Variants in USH2A observed in about 807,000 individuals in gnomAD.
USH2A encodes the protein Usher syndrome 2A (autosomal recessive, mild).
In USH2A, 443 loss-of-function variants were observed where a neutral mutation model predicts 538.9. The ratio of observed to expected loss-of-function variants is 0.82; its 90% CI spans 0.76 to 0.89. The LOEUF (loss-of-function observed/expected upper bound fraction) is 0.89, where lower values mean the gene tolerates loss of function less well. Ranked by LOEUF, USH2A falls within the 40% of genes least tolerant of loss-of-function variation. The probability of loss-of-function intolerance (pLI) is 0.00; values close to 1 mark genes in which losing one functional copy is unlikely to be tolerated. For missense variants in USH2A, 6,633 were observed against 6,324.8 expected, an observed-to-expected ratio of 1.05 and a Z score of -1.65; for synonymous variants, 2,413 against 2,273.5, an observed-to-expected ratio of 1.06 and a Z score of -1.75.
chr1:216,247,214 T>G lies in USH2A; in HGVS notation c.2180A>C (p.Asp727Ala), dbSNP rs1269860321. ...CKANVIGLRC[D>A]HCNFGFKFLR... ...AAATTTAAATCCAAAATTGCAATGATCACACCTAAGCCCTAAAGATAAAAT... is the reference window on the plus strand; with the variant it reads ...AAATTTAAATCCAAAATTGCAATGAGCACACCTAAGCCCTAAAGATAAAAT... Residue 727 changes from aspartate (D) to alanine (A), a missense_variant, in exon 13 of 72, where the codon GAT becomes GCT. Transcript: ENST00000307340. 1 of 1,613,948 alleles carries G rather than the reference T, an allele frequency of 6.2e-7. No homozygotes were observed. The highest frequency in any genetic ancestry group is 1.7e-5 in the Admixed American group (1 of 60,006).
At chr1:215,630,443 CAT>C (rs1466686150) in intron 70 of USH2A, among the ~76,000 whole-genome samples, 1 of 93,210 alleles carries the variant, frequency 1.1e-5, no homozygotes, top group East Asian at 2.8e-4. Context: ...TGTATATATA[CAT>C]ATATATGTGA....
chr1:215,999,206 A>G (rs1047626026), intron 33 of USH2A, 148 bp from the exon 34 acceptor site: 1 of 740,050 alleles, frequency 1.4e-6, no homozygotes, highest in Non-Finnish European at 2.2e-6. Context: ...TAAAACACTG[A>G]AGTAGTTATC....
intron 11 of USH2A, among the ~76,000 whole-genome samples, chr1:216,258,457 A>G (rs968957317): frequency 6.6e-6 from 1 of 152,076 alleles, no homozygotes; most frequent in African/African-American, 2.4e-5. Context: ...AACCGTAGTA[A>G]AGTGAATTCT....
Position 216,042,420 on chromosome 1 carries a change from A to G in USH2A, c.6325+4011T>C, listed in dbSNP as rs545330297. On this transcript the variant is annotated intron_variant, in intron 32 of 71. Transcript: ENST00000307340. ...CTGTATTCCACTTCTCGGTTTCTCT[A>G]TGAAGAGATATTTCAGCTCTATACA... Among the ~76,000 whole-genome samples, 69 of 152,064 alleles carry G rather than the reference A, an allele frequency of 4.5e-4. 3 individuals are homozygous for G. The South Asian group carries it at 8.5e-3, about 19-fold the overall frequency.
rs536218374 is a variant in USH2A, at chr1:215,936,657, T to C, written c.7121-1862A>G. ...CCATACAACTGATACATTCTAGCCA[T>C]TCAGAACTAGCAAGTGATTAAGAAT... On this transcript the variant is annotated intron_variant, in intron 37 of 71. Transcript: ENST00000307340. 2.5e-3 allele frequency among the ~76,000 whole-genome samples: 376 copies of C among 152,208 alleles called. 2 individuals are homozygous for C. Among genetic ancestry groups the C allele is most frequent in the Non-Finnish European group, 4.3e-3 (295 of 67,972 alleles).
intron 61 of USH2A, among the ~76,000 whole-genome samples, chr1:215,688,847 G>A (rs1394582217): frequency 2.0e-5 from 3 of 152,044 alleles, no homozygotes; most frequent in Non-Finnish European, 2.9e-5. Flanking sequence ...TGCATTTTGG[G>A]AGGAACACAA....
chr1:216,332,618 T>A (rs1243122971), intron 4 of USH2A, among the ~76,000 whole-genome samples: 2 of 152,146 alleles, frequency 1.3e-5, no homozygotes, highest in Non-Finnish European at 2.9e-5. Flanking sequence ...GCCTCAGTGT[T>A]GATGGCATTC....
chr1:216,357,053 A>C (rs2038403275), intron 4 of USH2A, among the ~76,000 whole-genome samples: 1 of 152,136 alleles, frequency 6.6e-6, no homozygotes, highest in Admixed American at 6.6e-5. Flanking sequence ...GTGCTAATAA[A>C]GGTCCTTAAT....
At chr1:216,034,606 G>T (rs181993192) in intron 32 of USH2A, among the ~76,000 whole-genome samples, 1 of 152,118 alleles carries the variant, frequency 6.6e-6, no homozygotes, top group African/African-American at 2.4e-5. Context: ...TTTAGAAGAA[G>T]GGAAAACACT....
At chr1:216,213,653 T>A (rs908886089) in intron 15 of USH2A, among the ~76,000 whole-genome samples, 1 of 147,448 alleles carries the variant, frequency 6.8e-6, no homozygotes, top group Non-Finnish European at 1.5e-5. Flanking sequence ...AAATGGAGAA[T>A]TTTTTTTTTT....
At chr1:215,650,546 A>AT (rs1414884073) in intron 65 of USH2A, 46 bp downstream of exon 65, 2 of 1,609,238 alleles carry the variant, frequency 1.2e-6, no homozygotes, top group Non-Finnish European at 1.7e-6. Flanking sequence ...CATAGTAATG[A>AT]TTTTTAAAAG....
rs771855431 is a variant in USH2A at position 215,680,240 on chromosome 1, C to A, written c.12203G>T (p.Gly4068Val). ...CTGTTCTACTATAAAGTTTCTCAGT[C>A]CACTTGGGGAAGATTCTAAGGTTTG... ...LIQTLESSPS[G>V]LRNFIVEQKE... The change falls in exon 62 of 72, where the codon GGA becomes GTA. Residue 4068 changes from glycine (G) to valine (V), a missense_variant. Gly to Val is a moderately radical substitution (Grantham distance 109, BLOSUM62 -3). Transcript: ENST00000307340. The A allele has an allele frequency of 1.9e-6, 3 of 1,614,126 alleles. No homozygotes were observed. In the Admixed American group the frequency reaches 5.0e-5, roughly 27 times the overall value.
In USH2A at chr1:216,098,878, C is replaced by T. The variant is rs116211529; in HGVS notation, c.4628-1665G>A. 6.8e-3 allele frequency among the ~76,000 whole-genome samples: 1,033 copies of T among 152,100 alleles called. 6 individuals carry two copies. Among genetic ancestry groups the T allele is most frequent in the African/African-American group, 0.024 (975 of 41,488 alleles). On this transcript the variant is annotated intron_variant, in intron 21 of 71. Transcript: ENST00000307340. ...TTTTTAGAGAATATGAAGGATTTGG[C>T]GGGAATTGTACAAAGTCCTAGAGGT...
rs575772193 is a variant in USH2A at position 215,977,813 on chromosome 1, A to G, written c.6806-7037T>C. Reference sequence around the variant, plus strand: ...GGCATGAGCCACTGCCACCAGCCCAAAATAATTTAAAGTAATTTAAAATAT... The same window carrying G: ...GGCATGAGCCACTGCCACCAGCCCAGAATAATTTAAAGTAATTTAAAATAT... On this transcript the variant is annotated intron_variant, in intron 35 of 71. Transcript: ENST00000307340. Among the ~76,000 whole-genome samples, 50 of 152,294 alleles carry G rather than the reference A, an allele frequency of 3.3e-4. No individual in the cohort carries two copies. The South Asian group carries it at 9.9e-3, about 30-fold the overall frequency.
intron 15 of USH2A, among the ~76,000 whole-genome samples, chr1:216,213,647 G>A (rs114462583): frequency 0.016 from 2,385 of 151,736 alleles, 67 homozygotes; most frequent in African/African-American, 0.052. Flanking sequence ...AGATAAAAAT[G>A]GAGAATTTTT....
intron 67 of USH2A, among the ~76,000 whole-genome samples, chr1:215,646,567 C>T (rs746261629): frequency 4.9e-4 from 74 of 152,024 alleles, no homozygotes; most frequent in Non-Finnish European, 7.8e-4. Flanking sequence ...TGCTCTGTTG[C>T]CCAGGCTGGA....
chr1:215,951,198 T>C (rs1406910464), intron 37 of USH2A, among the ~76,000 whole-genome samples: 2 of 152,222 alleles, frequency 1.3e-5, no homozygotes, highest in Admixed American at 1.3e-4. Flanking sequence ...TTTAGTGCTA[T>C]AAATTTCCCT....
intron 21 of USH2A, among the ~76,000 whole-genome samples, chr1:216,109,922 C>T (rs2032826274): frequency 6.6e-6 from 1 of 152,034 alleles, no homozygotes; most frequent in South Asian, 2.1e-4. Context: ...ATTGTCTAAT[C>T]ATCTTCATAT....
At chr1:216,282,391 T>G (rs913032726) in intron 11 of USH2A, among the ~76,000 whole-genome samples, 10 of 152,208 alleles carry the variant, frequency 6.6e-5, no homozygotes, top group African/African-American at 1.7e-4. Flanking sequence ...TAATTTGAAT[T>G]AATTTGTTTA....
Sources: allele counts gnomAD v4.1 joint callset (sites outside exome capture counted in the v4.1 genomes callset), GRCh38; gene constraint gnomAD v4.1.1; transcripts MANE v1.5; gene names NCBI Gene and HGNC (gene_info 2026-07-23, HGNC 2026-07-21).